SLC30A9: variants seen among roughly 807,000 people sequenced by gnomAD.
SLC30A9 encodes the protein solute carrier family 30 member 9, also known as proton-coupled zinc antiporter SLC30A9, mitochondrial.
SLC30A9 carries 58 observed loss-of-function variants against 87.5 expected under a neutral mutation model. The ratio of observed to expected loss-of-function variants is 0.66; its 90% CI spans 0.54 to 0.82. SLC30A9 has a LOEUF of 0.82. SLC30A9 is among the 40% of genes least tolerant of loss of function. The pLI is 0.00. For missense variants in SLC30A9, 557 were observed against 679.1 expected, an observed-to-expected ratio of 0.82 and a Z score of 2.00; for synonymous variants, 234 against 233.0, an observed-to-expected ratio of 1.00 and a Z score of -0.04.
At chr4:41,992,312 G>A (rs1290202593) in intron 1 of SLC30A9, among the ~76,000 whole-genome samples, 1 of 151,258 alleles carries the variant, frequency 6.6e-6, no homozygotes, top group Non-Finnish European at 1.5e-5. Flanking sequence ...GTGCACTCCA[G>A]CCTGGGTGAC....
intron 1 of SLC30A9, among the ~76,000 whole-genome samples, chr4:41,994,242 G>A (rs1714592671): frequency 6.6e-6 from 1 of 152,056 alleles, no homozygotes; most frequent in Non-Finnish European, 1.5e-5. Context: ...GAAAAATACA[G>A]TGAAAATATA....
At chr4:42,015,199 AAAATAT>A (rs943475954) in intron 2 of SLC30A9, among the ~76,000 whole-genome samples, 2 of 152,188 alleles carry the variant, frequency 1.3e-5, no homozygotes, top group African/African-American at 4.8e-5. Context: ...ATAAAAAATT[AAAATAT>A]AAAAGCAAAT....
chr4:41,994,926 A>G (rs1714632017), intron 1 of SLC30A9, among the ~76,000 whole-genome samples: 1 of 151,928 alleles, frequency 6.6e-6, no homozygotes, highest in Non-Finnish European at 1.5e-5. Flanking sequence ...ATAAAAGTTA[A>G]ATTCTTAGTC....
intron 8 of SLC30A9, among the ~76,000 whole-genome samples, chr4:42,043,798 A>G (rs1489178437): frequency 6.6e-6 from 1 of 152,226 alleles, no homozygotes; most frequent in East Asian, 1.9e-4. Flanking sequence ...TGAAGGAAAA[A>G]ATGTTAAGGG....
chr4:42,045,217 A>C (rs1717096582), intron 8 of SLC30A9, among the ~76,000 whole-genome samples: 1 of 152,214 alleles, frequency 6.6e-6, no homozygotes, highest in Admixed American at 6.5e-5. Flanking sequence ...AGATCAGAGC[A>C]GAACTGAAAG....
intron 9 of SLC30A9, among the ~76,000 whole-genome samples, chr4:42,053,613 C>T (rs889652745): frequency 1.5e-5 from 2 of 135,904 alleles, no homozygotes; most frequent in South Asian, 2.4e-4. Context: ...CGCTTGAACC[C>T]GGGAGGCGGG....
chr4:42,039,121 G>C, intron 8 of SLC30A9, 68 bp downstream of exon 8: 1 of 1,162,150 alleles, frequency 8.6e-7, no homozygotes, highest in Non-Finnish European at 1.3e-6. Flanking sequence ...CCTTAAATAT[G>C]TAAATTTATT....
intron 10 of SLC30A9, among the ~76,000 whole-genome samples, chr4:42,061,955 G>A (rs545733825): frequency 6.6e-6 from 1 of 151,876 alleles, no homozygotes; most frequent in African/African-American, 2.4e-5. Flanking sequence ...AGCACTTTGG[G>A]AGGCCGAGGA....
At position 42,043,398 on chromosome 4, in the gene SLC30A9, C is replaced by T. The variant is rs138670877; in HGVS notation, c.737+4345C>T. On this transcript the variant is annotated intron_variant, in intron 8 of 17. Coordinates refer to ENST00000264451, the MANE Select transcript of SLC30A9 (RefSeq NM_006345.4). Reference sequence around the variant, plus strand: ...TAAATGACCTGATGGAGCTGAAAAACACAGCATGAGAACTTTGTGAAGCAT... The same window carrying T: ...TAAATGACCTGATGGAGCTGAAAAATACAGCATGAGAACTTTGTGAAGCAT... Among the ~76,000 whole-genome samples, 868 of 152,174 alleles carry T rather than the reference C, an allele frequency of 5.7e-3. 3 individuals carry two copies. Among genetic ancestry groups the T allele is most frequent in the African/African-American group, 0.02 (831 of 41,492 alleles).
Position 42,013,195 on chromosome 4 carries a change from C to T in SLC30A9, c.275-4916C>T, listed in dbSNP as rs557191592. Among the ~76,000 whole-genome samples, 3 of 152,226 alleles carry T rather than the reference C, an allele frequency of 2.0e-5. No homozygotes were observed. In the East Asian group the frequency reaches 5.8e-4, roughly 29 times the overall value. ...TACTAGAGAAGCTGAGGTGGGATCACTTGAGCCCAGGAGTTGGAGGTGGCA... is the reference window on the plus strand; with the variant it reads ...TACTAGAGAAGCTGAGGTGGGATCATTTGAGCCCAGGAGTTGGAGGTGGCA... On this transcript the variant is annotated intron_variant, in intron 2 of 17. Transcript: ENST00000264451.
chr4:42,069,598 C>T (rs1326761026), intron 14 of SLC30A9, among the ~76,000 whole-genome samples: 1 of 152,060 alleles, frequency 6.6e-6, no homozygotes, highest in African/African-American at 2.4e-5. Flanking sequence ...TTTTATCAAG[C>T]ATTAAGAAGA....
chr4:42,080,555 T>C (rs1484872011), intron 17 of SLC30A9, among the ~76,000 whole-genome samples: 3 of 152,220 alleles, frequency 2.0e-5, no homozygotes, highest in Non-Finnish European at 4.4e-5. Context: ...AGAGATTTTA[T>C]TGAGGCTCCA....
intron 7 of SLC30A9, among the ~76,000 whole-genome samples, chr4:42,037,182 G>A (rs1389453070): frequency 2.0e-5 from 3 of 148,328 alleles, no homozygotes; most frequent in African/African-American, 7.4e-5. Context: ...ACTGAAGATG[G>A]TTGCTTTCCT....
chr4:42,065,045 C>G (rs1718025635), intron 11 of SLC30A9, among the ~76,000 whole-genome samples: 1 of 151,988 alleles, frequency 6.6e-6, no homozygotes, highest in African/African-American at 2.4e-5. Context: ...TCAGGATTTT[C>G]TTGGTATTAG....
At chr4:42,053,534 T>C (rs1053136633) in intron 9 of SLC30A9, among the ~76,000 whole-genome samples, 2 of 151,014 alleles carry the variant, frequency 1.3e-5, no homozygotes, top group East Asian at 3.9e-4. Context: ...CTGCTAAAAG[T>C]ACAAAATAGC....
At chr4:42,044,279 G>GTCAAGA (rs1717047584) in intron 8 of SLC30A9, among the ~76,000 whole-genome samples, 2 of 150,870 alleles carry the variant, frequency 1.3e-5, no homozygotes, top group Non-Finnish European at 2.9e-5. Context: ...TGGATAAAGA[G>GTCAAGA]TCAAGACCCA....
At chr4:42,034,067 G>A (rs750405725) in intron 6 of SLC30A9, among the ~76,000 whole-genome samples, 1 of 145,902 alleles carries the variant, frequency 6.9e-6, no homozygotes, top group Non-Finnish European at 1.5e-5. Flanking sequence ...AAAGTTAAAA[G>A]AATTTTTTGT....
intron 2 of SLC30A9, among the ~76,000 whole-genome samples, chr4:42,013,354 G>A (rs945397871): frequency 8.6e-5 from 13 of 151,918 alleles, no homozygotes; most frequent in Non-Finnish European, 1.2e-4. Flanking sequence ...TTTATTTTTC[G>A]TCTTACTCTT....
At chr4:42,012,683 ATAG>A (rs1166807153) in intron 2 of SLC30A9, among the ~76,000 whole-genome samples, 2 of 152,184 alleles carry the variant, frequency 1.3e-5, no homozygotes, top group South Asian at 2.1e-4. Flanking sequence ...GTGCTATCAA[ATAG>A]TAGATCTTTT....
Sources: allele counts gnomAD v4.1 joint callset (sites outside exome capture counted in the v4.1 genomes callset), GRCh38; gene constraint gnomAD v4.1.1; transcripts MANE v1.5; gene names NCBI Gene and HGNC (gene_info 2026-07-23, HGNC 2026-07-21).